MIGA1: variants seen among roughly 807,000 people sequenced by gnomAD.
MIGA1 encodes the protein family with sequence similarity 73, member A.
MIGA1 carries 58 observed loss-of-function variants against 82.0 expected under a neutral mutation model. The observed-to-expected ratio is 0.71, with a 90% CI of 0.57 to 0.88. The LOEUF (loss-of-function observed/expected upper bound fraction) is 0.88, where lower values mean the gene tolerates loss of function less well. MIGA1 is among the 40% of genes least tolerant of loss of function. MIGA1 has a pLI of 0.00. For missense variants in MIGA1, 751 were observed against 749.1 expected, an observed-to-expected ratio of 1.00 and a Z score of -0.03; for synonymous variants, 249 against 253.6, an observed-to-expected ratio of 0.98 and a Z score of 0.17.
intron 1 of MIGA1, 91 bp downstream of exon 1, chr1:77,779,827 C>G: frequency 6.9e-7 from 1 of 1,446,704 alleles, no homozygotes; most frequent in Non-Finnish European, 9.1e-7. Flanking sequence ...GGCCTCGGGG[C>G]AGGGGTGGCG....
At chr1:77,848,786 A>T in intron 8 of MIGA1, 2 of 1,287,186 alleles carry the variant, frequency 1.6e-6, no homozygotes, top group Non-Finnish European at 2.1e-6. Flanking sequence ...AGCTATATTG[A>T]CAAACAAGAT....
chr1:77,791,057 A>T (rs1369536506), intron 2 of MIGA1, among the ~76,000 whole-genome samples: 2 of 152,110 alleles, frequency 1.3e-5, no homozygotes, highest in African/African-American at 4.8e-5. Flanking sequence ...AGCCTAGGCA[A>T]TATAGTGAGA....
chr1:77,864,881 A>G (rs2101953870), intron 13 of MIGA1, among the ~76,000 whole-genome samples: 1 of 152,180 alleles, frequency 6.6e-6, no homozygotes, highest in East Asian at 1.9e-4. Flanking sequence ...TTAAGTGTGC[A>G]CCTGGAAGCA....
At chr1:77,871,109 G>A (rs1199364236) in intron 14 of MIGA1, among the ~76,000 whole-genome samples, 2 of 21,170 alleles carry the variant, frequency 9.4e-5, no homozygotes, top group Admixed American at 3.7e-4. Flanking sequence ...GAGGGAGAGG[G>A]AGAGGGAGAG....
rs749154338 is a variant in MIGA1 at position 77,783,273 on chromosome 1, T to G, written c.117T>G (p.Ser39Arg). ...GAGCCATGTCAGAAGAAACAGTAAG[T>G]GAATCACAGTTTTCCTTGAAGACAG... Residue 39 changes from serine (S) to arginine (R), a missense_variant, in exon 2 of 16, where the codon AGT becomes AGG. Physicochemically the swap from Ser to Arg is moderately radical, Grantham distance 110. This residue lies in a region of MIGA1 where 482 missense variants were observed against 439.4 expected (regional missense o/e 1.10). Coordinates refer to ENST00000370791, the MANE Select transcript of MIGA1 (RefSeq NM_198549.4). 6.3e-7 allele frequency: 1 copy of G among 1,593,548 alleles called. No individual in the cohort carries two copies. Among genetic ancestry groups the G allele is most frequent in the African/African-American group, 1.3e-5 (1 of 74,746 alleles).
At chr1:77,818,200 C>T (rs1014976466) in intron 7 of MIGA1, among the ~76,000 whole-genome samples, 3 of 151,246 alleles carry the variant, frequency 2.0e-5, no homozygotes, top group African/African-American at 7.3e-5. Flanking sequence ...CTCGGCTCAC[C>T]GCAACCTCCG....
intron 7 of MIGA1, among the ~76,000 whole-genome samples, chr1:77,837,047 C>G (rs1490363365): frequency 6.6e-6 from 1 of 152,070 alleles, no homozygotes; most frequent in Non-Finnish European, 1.5e-5. Context: ...AAACTATAAG[C>G]TGAATCTGAG....
At chr1:77,871,574 GC>G (rs998116467) in intron 14 of MIGA1, among the ~76,000 whole-genome samples, 4 of 151,728 alleles carry the variant, frequency 2.6e-5, no homozygotes, top group East Asian at 1.9e-4. Flanking sequence ...AATAACCCCC[GC>G]CCCCCAGGAG....
chr1:77,870,811 C>G (rs1384162567), intron 14 of MIGA1, among the ~76,000 whole-genome samples: 1 of 150,978 alleles, frequency 6.6e-6, no homozygotes, highest in Non-Finnish European at 1.5e-5. Context: ...ACTGAGTGAA[C>G]GAGACTCCGT....
chr1:77,791,283 A>G (rs1011973930), intron 2 of MIGA1, among the ~76,000 whole-genome samples: 9 of 151,310 alleles, frequency 5.9e-5, no homozygotes, highest in African/African-American at 1.9e-4. Context: ...CTGCTATATA[A>G]ATGGAGTCAC....
At chr1:77,845,104 G>A (rs988704883) in intron 8 of MIGA1, among the ~76,000 whole-genome samples, 3 of 152,112 alleles carry the variant, frequency 2.0e-5, no homozygotes, top group Non-Finnish European at 4.4e-5. Flanking sequence ...CTTTTTAAAA[G>A]TAGTACTGAT....
intron 7 of MIGA1, among the ~76,000 whole-genome samples, chr1:77,828,888 G>C (rs1039880450): frequency 6.6e-6 from 1 of 152,008 alleles, no homozygotes; most frequent in South Asian, 2.1e-4. Context: ...TATTTCACAG[G>C]CTGGGCTCGA....
At chr1:77,818,290 A>G (rs1287259202) in intron 7 of MIGA1, among the ~76,000 whole-genome samples, 1 of 151,732 alleles carries the variant, frequency 6.6e-6, no homozygotes, top group African/African-American at 2.4e-5. Context: ...TGCCTGGCTA[A>G]TTTTGTATTT....
chr1:77,794,009 G>C (rs887795118), intron 2 of MIGA1, among the ~76,000 whole-genome samples: 2 of 149,744 alleles, frequency 1.3e-5, no homozygotes, highest in African/African-American at 4.9e-5. Context: ...GGCTGGTCTC[G>C]AACTCCTGAC....
intron 1 of MIGA1, among the ~76,000 whole-genome samples, chr1:77,781,813 A>G (rs1681930039): frequency 6.6e-6 from 1 of 152,126 alleles, no homozygotes; most frequent in East Asian, 1.9e-4. Context: ...GTAGTAACCC[A>G]CCCTAAGAGG....
At chr1:77,792,540 G>C (rs1164888588) in intron 2 of MIGA1, among the ~76,000 whole-genome samples, 1 of 152,110 alleles carries the variant, frequency 6.6e-6, no homozygotes, top group Non-Finnish European at 1.5e-5. Context: ...TTTGTTTCAA[G>C]GTTACATCTT....
chr1:77,783,308 G>A lies in MIGA1; in HGVS notation c.152G>A (p.Arg51Lys). ...TTTTCCTTGAAGACAGCAGCGCTAAGAGTGTTTGATCTTCCTCTGACTTGG... is the reference window on the plus strand; with the variant it reads ...TTTTCCTTGAAGACAGCAGCGCTAAAAGTGTTTGATCTTCCTCTGACTTGG... The change falls in exon 2 of 16, where the codon AGA (arginine) becomes AAA (lysine). Residue 51 changes from arginine to lysine, a missense_variant. Physicochemically the swap from Arg to Lys is conservative, Grantham distance 26 (BLOSUM62 2). This residue lies in a region of MIGA1 where 482 missense variants were observed against 439.4 expected (regional missense o/e 1.10). Transcript: ENST00000370791. The A allele has an allele frequency of 6.2e-7, 1 of 1,603,896 alleles. No homozygotes were observed. The highest frequency in any genetic ancestry group is 1.3e-5 in the African/African-American group (1 of 74,940).
At position 77,803,371 on chromosome 1, in the gene MIGA1, A is replaced by T; in HGVS notation, c.475A>T (p.Ser159Cys). The T allele has an allele frequency of 6.4e-7, 1 of 1,566,432 alleles. No homozygotes were observed. Among genetic ancestry groups the T allele is most frequent in the Non-Finnish European group, 8.7e-7 (1 of 1,155,166 alleles). Reference sequence around the variant, plus strand: ...TAACTATGCTAATGGAGGACTTTTCAGTAAATATTCAGGTTCTGCACAGAG... The same window carrying T: ...TAACTATGCTAATGGAGGACTTTTCTGTAAATATTCAGGTTCTGCACAGAG... The change falls in exon 4 of 16, where the codon AGT becomes TGT. Residue 159 changes from serine to cysteine, a missense_variant. Coordinates refer to ENST00000370791, the MANE Select transcript of MIGA1 (RefSeq NM_198549.4).
At chr1:77,805,461 C>CTTTTTTTTTTTT (rs11408292) in intron 4 of MIGA1, among the ~76,000 whole-genome samples, 4 of 110,406 alleles carry the variant, frequency 3.6e-5, no homozygotes, top group South Asian at 3.1e-4. Context: ...TATGCCTATT[C>CTTTTTTTTTTTT]TTTTTTTTTT....
Sources: gnomAD v4.1 joint callset for allele counts (sites outside exome capture counted in the v4.1 genomes callset) on GRCh38, gnomAD v4.1.1 for gene constraint, gnomAD v4.1.1 regional missense constraint, MANE v1.5 for transcripts, NCBI Gene and HGNC (gene_info 2026-07-23, HGNC 2026-07-21) for gene names.